The following FXYD6 variants were observed in gnomAD, a reference collection of about 807,000 sequenced individuals.
The protein encoded by FXYD6 is FXYD domain-containing ion transport regulator 6.
Under a neutral mutation model 16.7 loss-of-function variants are expected in FXYD6, and 7 were observed. The observed-to-expected ratio is 0.42, with a 90% confidence interval of 0.24 to 0.79. FXYD6 has a LOEUF of 0.79. Ranked by LOEUF, FXYD6 falls within the 30% of genes least tolerant of loss-of-function variation. The pLI is 0.28. For missense variants in FXYD6, 111 were observed against 116.2 expected (o/e 0.95, Z 0.21); for synonymous variants, 49 against 43.0 (o/e 1.14, Z -0.54).
intron 1 of FXYD6, among the ~76,000 whole-genome samples, chr11:117,850,798 A>G (rs1565317717): frequency 6.9e-6 from 1 of 144,964 alleles, no homozygotes; most frequent in Non-Finnish European, 1.5e-5. Context: ...TAGCTTAGTG[A>G]TTTTTTTTTT....
chr11:117,848,636 A>C (rs1475619082), intron 1 of FXYD6, among the ~76,000 whole-genome samples: 1 of 152,204 alleles, frequency 6.6e-6, no homozygotes, highest in Non-Finnish European at 1.5e-5. Flanking sequence ...GGTGGAACTA[A>C]CCTGTAAAAT....
chr11:117,850,666 T>C (rs2056587978), intron 1 of FXYD6, among the ~76,000 whole-genome samples: 1 of 152,154 alleles, frequency 6.6e-6, no homozygotes, highest in Admixed American at 6.5e-5. Flanking sequence ...TATTTTTATT[T>C]TTATTTTTTT....
At chr11:117,851,244 C>T (rs1216822355) in intron 1 of FXYD6, among the ~76,000 whole-genome samples, 5 of 151,870 alleles carry the variant, frequency 3.3e-5, no homozygotes, top group Non-Finnish European at 4.4e-5. Context: ...ATGTCACTTT[C>T]GATATGAGGT....
intron 1 of FXYD6, chr11:117,844,145 C>G (rs1228979526): frequency 6.6e-6 from 1 of 152,570 alleles, no homozygotes; most frequent in Non-Finnish European, 1.5e-5. Flanking sequence ...CGCCACTGCA[C>G]TTCACCTCTC....
intron 1 of FXYD6, among the ~76,000 whole-genome samples, chr11:117,864,856 A>G (rs897808136): frequency 6.6e-6 from 1 of 152,222 alleles, no homozygotes; most frequent in Non-Finnish European, 1.5e-5. Flanking sequence ...AAGTGCTGGG[A>G]TTACAGACAT....
chr11:117,861,275 A>T (rs61901488), intron 1 of FXYD6, among the ~76,000 whole-genome samples: 14,331 of 152,232 alleles, frequency 0.094, 814 homozygotes, highest in Middle Eastern at 0.16. Flanking sequence ...CTGTAGCTAA[A>T]AGACATGGTA....
At chr11:117,856,133 T>G (rs2056721152) in intron 1 of FXYD6, among the ~76,000 whole-genome samples, 1 of 152,114 alleles carries the variant, frequency 6.6e-6, no homozygotes, top group South Asian at 2.1e-4. Context: ...GAGAAAGCAA[T>G]CAGAAGAGTT....
intron 1 of FXYD6, among the ~76,000 whole-genome samples, chr11:117,860,784 G>A (rs1297193257): frequency 1.3e-5 from 2 of 152,168 alleles, no homozygotes; most frequent in Non-Finnish European, 2.9e-5. Context: ...CATTCGTAAG[G>A]TGCTCATGCC....
chr11:117,851,733 C>T (rs891137431), intron 1 of FXYD6, among the ~76,000 whole-genome samples: 8 of 152,204 alleles, frequency 5.3e-5, no homozygotes, highest in Non-Finnish European at 8.8e-5. Flanking sequence ...GTTAGAAACT[C>T]TGTTTCTGTT....
chr11:117,873,005 C>A (rs1205942971), intron 1 of FXYD6, among the ~76,000 whole-genome samples: 1 of 152,148 alleles, frequency 6.6e-6, no homozygotes, highest in Non-Finnish European at 1.5e-5. Flanking sequence ...CCAGTTGTCT[C>A]TTCCAGAGAA....
At chr11:117,853,290 G>T (rs1276122786) in intron 1 of FXYD6, among the ~76,000 whole-genome samples, 2 of 152,208 alleles carry the variant, frequency 1.3e-5, no homozygotes, top group Non-Finnish European at 2.9e-5. Flanking sequence ...CATGGAGGCT[G>T]GGGGCAGCAG....
chr11:117,849,501 C>T (rs2056554253), intron 1 of FXYD6, among the ~76,000 whole-genome samples: 1 of 151,716 alleles, frequency 6.6e-6, no homozygotes, highest in African/African-American at 2.4e-5. Context: ...GTTCTATATG[C>T]CTATAAATTA....
intron 1 of FXYD6, among the ~76,000 whole-genome samples, chr11:117,875,296 G>A (rs113151306): frequency 6.6e-6 from 1 of 152,062 alleles, no homozygotes; most frequent in Non-Finnish European, 1.5e-5. Context: ...TGTGTTTGTG[G>A]TGTTGGTGAT....
intron 1 of FXYD6, chr11:117,843,544 A>C (rs1037083820): frequency 3.9e-5 from 6 of 152,186 alleles, no homozygotes; most frequent in Admixed American, 1.3e-4. Context: ...ATCAGACTAA[A>C]TGGGGCCAGT....
In FXYD6 at chr11:117,842,742, A is replaced by T; in HGVS notation, c.35T>A (p.Leu12Gln). 1 of 1,569,922 alleles carries T rather than the reference A, an allele frequency of 6.4e-7. No individual in the cohort carries two copies. Among genetic ancestry groups the T allele is most frequent in the East Asian group, 2.3e-5 (1 of 42,670 alleles). Reference protein sequence around the residue: ...ELVLVFLCSLLAPMVLASAAE... With the variant: ...ELVLVFLCSLQAPMVLASAAE... ...ACCACTGGCCAGGACCATGGGGGCC[A>T]GCAGGCTGCAGAGGAAGACCAGCAC... The change falls in exon 2 of 8, where the codon CTG (leucine) becomes CAG (glutamine). Residue 12 changes from leucine (L) to glutamine (Q), a missense_variant. Physicochemically the swap from Leu to Gln is moderately radical, Grantham distance 113. Transcript: ENST00000526014.
chr11:117,842,840 C>A, intron 1 of FXYD6, 59 bp from the exon 2 acceptor site: 1 of 1,538,442 alleles, frequency 6.5e-7, no homozygotes, highest in Non-Finnish European at 8.8e-7. Context: ...TCCGTCAGCT[C>A]CAAGCGTCAG....
chr11:117,852,818 ACTTCCTTCTCTATG>A (rs756429554), intron 1 of FXYD6, among the ~76,000 whole-genome samples: 4 of 151,962 alleles, frequency 2.6e-5, no homozygotes, highest in Non-Finnish European at 5.9e-5. Flanking sequence ...CATATTTTCC[ACTTCCTTCTCTATG>A]CTACATTCCA....
chr11:117,849,829 A>G (rs1248990298), intron 1 of FXYD6, among the ~76,000 whole-genome samples: 2 of 152,162 alleles, frequency 1.3e-5, no homozygotes, highest in Non-Finnish European at 2.9e-5. Context: ...GATAACATTC[A>G]TAGGTCACCC....
At position 117,839,978 on chromosome 11, in the gene FXYD6, C is replaced by G. The variant is rs1281233946; in HGVS notation, c.260-148G>C. Reference sequence around the variant, plus strand: ...GAGTCAGAACGATCTGGGTTCAATCCTGGCCCTGCTACTTGCTGCTTACAG... The same window carrying G: ...GAGTCAGAACGATCTGGGTTCAATCGTGGCCCTGCTACTTGCTGCTTACAG... On this transcript the variant is annotated intron_variant, in intron 6 of 7. Transcript: ENST00000526014. 5.0e-6 allele frequency: 5 copies of G among 993,482 alleles called. No homozygotes were observed. In the African/African-American group the frequency reaches 8.0e-5, roughly 16 times the overall value. 61.5% of individuals were successfully genotyped at this position (993,482 alleles called of 1,614,324 possible).
Sources: gnomAD v4.1 joint callset for allele counts (sites outside exome capture counted in the v4.1 genomes callset) on GRCh38, gnomAD v4.1.1 for gene constraint, MANE v1.5 for transcripts, NCBI Gene and HGNC (gene_info 2026-07-23, HGNC 2026-07-21) for gene names.